COL26A1: variants seen among roughly 807,000 people sequenced by gnomAD.
COL26A1 encodes the protein collagen alpha-1(XXVI) chain.
COL26A1 carries 41 observed loss-of-function variants against 59.3 expected under a neutral mutation model. That is an observed-to-expected ratio of 0.69 (90% CI 0.54 to 0.90). The LOEUF (loss-of-function observed/expected upper bound fraction) is 0.90. Ranked by LOEUF, COL26A1 falls within the 40% of genes least tolerant of loss-of-function variation. The pLI, the probability that COL26A1 is intolerant of heterozygous loss-of-function variation, is 0.00. For synonymous variants in COL26A1, 266 were observed against 256.0 expected (o/e 1.04, Z -0.37); for missense variants, 612 against 602.3 (o/e 1.02, Z -0.17).
At chr7:101,378,868 T>C (rs1292446024) in intron 1 of COL26A1, among the ~76,000 whole-genome samples, 1 of 152,016 alleles carries the variant, frequency 6.6e-6, no homozygotes, top group Non-Finnish European at 1.5e-5. Context: ...GCTCAGACTT[T>C]TCTTTTCCCC....
At chr7:101,435,564 G>A (rs984646913) in intron 2 of COL26A1, among the ~76,000 whole-genome samples, 3 of 152,158 alleles carry the variant, frequency 2.0e-5, no homozygotes, top group Non-Finnish European at 2.9e-5. Flanking sequence ...TCACAGCCCC[G>A]GCTGGGCTCT....
At chr7:101,534,610 T>C (rs1045508817) in intron 4 of COL26A1, among the ~76,000 whole-genome samples, 14 of 151,226 alleles carry the variant, frequency 9.3e-5, no homozygotes, top group East Asian at 5.8e-4. Flanking sequence ...CAGGCATACA[T>C]ACACACACAC....
intron 3 of COL26A1, among the ~76,000 whole-genome samples, chr7:101,512,446 C>G (rs1186507058): frequency 7.2e-6 from 1 of 138,338 alleles, no homozygotes; most frequent in Non-Finnish European, 1.6e-5. Flanking sequence ...TACTGAGAGC[C>G]CTGTCTCTAC....
At chr7:101,526,210 A>G (rs1795245659) in intron 3 of COL26A1, among the ~76,000 whole-genome samples, 1 of 151,794 alleles carries the variant, frequency 6.6e-6, no homozygotes, top group Non-Finnish European at 1.5e-5. Flanking sequence ...CACCACATCC[A>G]GCTAATTTTT....
chr7:101,496,070 G>T (rs1794579086), intron 3 of COL26A1, among the ~76,000 whole-genome samples: 1 of 152,126 alleles, frequency 6.6e-6, no homozygotes, highest in South Asian at 2.1e-4. Context: ...AGCAAAGCGA[G>T]ACCCTGTCTC....
chr7:101,508,988 T>C (rs1794867556), intron 3 of COL26A1, among the ~76,000 whole-genome samples: 1 of 151,806 alleles, frequency 6.6e-6, no homozygotes, highest in Non-Finnish European at 1.5e-5. Flanking sequence ...CTGAGTGAGG[T>C]TTACTTGGCT....
chr7:101,540,035 C>T lies in COL26A1; in HGVS notation c.590C>T (p.Pro197Leu), dbSNP rs748723180. The T allele has an allele frequency of 1.2e-6, 2 of 1,612,614 alleles. No individual in the cohort carries two copies. Among genetic ancestry groups the T allele is most frequent in the Non-Finnish European group, 1.7e-6 (2 of 1,179,512 alleles). ...LAHPVPRQRR[P>L]TGPAGPPGQT... ...CACCCTGTGCCACGACAGAGAAGGC[C>T]CACGGGCCCAGCCGGTGAGTGAGGG... is the stretch of plus-strand genomic sequence containing the variant. Residue 197 changes from proline to leucine, a missense_variant, in exon 5 of 13, where the codon CCC becomes CTC. Coordinates refer to ENST00000313669, the MANE Select transcript of COL26A1 (RefSeq NM_001278563.3).
chr7:101,398,062 A>T (rs921407030), intron 1 of COL26A1, among the ~76,000 whole-genome samples: 44 of 152,136 alleles, frequency 2.9e-4, no homozygotes, highest in African/African-American at 1.1e-3. Context: ...CATGAACTCT[A>T]TTGGGTGTGA....
At chr7:101,402,790 C>T (rs111978773) in intron 1 of COL26A1, among the ~76,000 whole-genome samples, 145 of 118,340 alleles carry the variant, frequency 1.2e-3, no homozygotes, top group African/African-American at 4.5e-3. Context: ...CCTGTCCTGT[C>T]CTTTCCCTCC....
intron 1 of COL26A1, among the ~76,000 whole-genome samples, chr7:101,393,474 C>T (rs758797442): frequency 5.9e-5 from 9 of 152,160 alleles, no homozygotes; most frequent in Non-Finnish European, 7.3e-5. Flanking sequence ...TATATTCTAG[C>T]TGCACTGGCA....
intron 3 of COL26A1, among the ~76,000 whole-genome samples, chr7:101,458,346 G>T (rs1793526874): frequency 6.6e-6 from 1 of 152,034 alleles, no homozygotes; most frequent in South Asian, 2.1e-4. Flanking sequence ...CTGTGAAATG[G>T]TACTTTAGGC....
At chr7:101,392,329 T>C (rs1424865012) in intron 1 of COL26A1, among the ~76,000 whole-genome samples, 1 of 151,722 alleles carries the variant, frequency 6.6e-6, no homozygotes, top group African/African-American at 2.4e-5. Flanking sequence ...CACCGGTTCC[T>C]TTTTCCATCT....
rs115802032 is a variant in COL26A1, at chr7:101,535,966, G to A, written c.447+2823G>A. On this transcript the variant is annotated intron_variant, in intron 4 of 12. Coordinates refer to ENST00000313669, the MANE Select transcript of COL26A1 (RefSeq NM_001278563.3). ...CTATCTTAGCTCCCCCGTCTTGTCTGGAGCACCTTCTGGCCGCCCACCTGC... is the reference window on the plus strand; with the variant it reads ...CTATCTTAGCTCCCCCGTCTTGTCTAGAGCACCTTCTGGCCGCCCACCTGC... Among the ~76,000 whole-genome samples the A allele has an allele frequency of 8.6e-3, 1,305 of 152,216 alleles. 21 individuals carry two copies. The highest frequency in any genetic ancestry group is 0.03 in the African/African-American group (1,261 of 41,528).
intron 3 of COL26A1, among the ~76,000 whole-genome samples, chr7:101,525,055 A>G (rs1047661238): frequency 1.3e-4 from 19 of 151,298 alleles, no homozygotes; most frequent in African/African-American, 4.4e-4. Context: ...GAAGAATCTT[A>G]TGAATCTTAT....
intron 3 of COL26A1, among the ~76,000 whole-genome samples, chr7:101,463,005 T>C (rs1793651351): frequency 6.6e-6 from 1 of 152,098 alleles, no homozygotes; most frequent in Non-Finnish European, 1.5e-5. Context: ...AGGTCCAAGT[T>C]TCCTAGAGGG....
chr7:101,489,756 CTCTTTCTTTCTTTCTTTCTTTCTTT>C (rs1794375430), intron 3 of COL26A1, among the ~76,000 whole-genome samples: 3 of 77,702 alleles, frequency 3.9e-5, no homozygotes, highest in Non-Finnish European at 6.9e-5. Context: ...TTTCTTGTCT[CTCTTTCTTTCTTTCTTTCTTTCTTT>C]CTTTCTTTCT....
intron 2 of COL26A1, among the ~76,000 whole-genome samples, chr7:101,444,130 G>T (rs988866276): frequency 6.6e-6 from 1 of 151,630 alleles, no homozygotes. Context: ...CTCCTGCCTC[G>T]GCCTCCCAAA....
chr7:101,553,504 T>G, intron 11 of COL26A1, 128 bp downstream of exon 11: 1 of 813,222 alleles, frequency 1.2e-6, no homozygotes. Context: ...GGCCACCGGG[T>G]GTACAGGGCC....
chr7:101,463,210 C>G (rs1246524840), intron 3 of COL26A1, among the ~76,000 whole-genome samples: 1 of 152,216 alleles, frequency 6.6e-6, no homozygotes, highest in Non-Finnish European at 1.5e-5. Flanking sequence ...ATCTCCACCC[C>G]TTTTTCATCT....
Sources: allele counts gnomAD v4.1 joint callset (sites outside exome capture counted in the v4.1 genomes callset), GRCh38; gene constraint gnomAD v4.1.1; transcripts MANE v1.5; gene names NCBI Gene and HGNC (gene_info 2026-07-23, HGNC 2026-07-21).